DMRT1: variants seen among roughly 807,000 people sequenced by gnomAD.
DMRT1 encodes doublesex- and mab-3-related transcription factor 1.
A neutral mutation model predicts 32.3 loss-of-function variants in DMRT1; 7 were observed. The ratio of observed to expected loss-of-function variants is 0.22; its 90% CI spans 0.12 to 0.41. DMRT1 has a LOEUF of 0.41. Ranked by LOEUF, DMRT1 falls within the 10% of genes least tolerant of loss-of-function variation. The pLI is 1.00. For missense variants in DMRT1, 625 were observed against 500.5 expected (o/e 1.25, Z -2.37); for synonymous variants, 278 against 206.1 (o/e 1.35, Z -2.99).
At chr9:896,738 G>A (rs1219426785) in intron 3 of DMRT1, among the ~76,000 whole-genome samples, 1 of 151,720 alleles carries the variant, frequency 6.6e-6, no homozygotes, top group Admixed American at 6.6e-5. Context: ...GTCTGAACCC[G>A]GGAGGTGGAG....
At chr9:949,241 C>G (rs555637701) in intron 4 of DMRT1, among the ~76,000 whole-genome samples, 115 of 152,182 alleles carry the variant, frequency 7.6e-4, no homozygotes, top group African/African-American at 2.7e-3. Context: ...TGACGTATAC[C>G]TGTAGTCCTA....
rs1293837882 is a variant in DMRT1, at chr9:841,801, GA to G, written c.-37del. On this transcript the variant is annotated 5_prime_UTR_variant, in exon 1 of 5. Coordinates refer to ENST00000382276, the MANE Select transcript of DMRT1 (RefSeq NM_021951.3). Reference sequence around the variant, plus strand: ...CCCTCGCAGCAGTCTCCAGGCGAGAGAGGGGGCCAGAGTGCTCGCACTTCTC... The same window carrying G: ...CCCTCGCAGCAGTCTCCAGGCGAGAGGGGGGCCAGAGTGCTCGCACTTCTC... 9 of 1,581,932 alleles carry G rather than the reference GA, an allele frequency of 5.7e-6. No homozygotes were observed. The East Asian group carries it at 1.6e-4, about 28-fold the overall frequency.
intron 2 of DMRT1, among the ~76,000 whole-genome samples, chr9:890,149 C>T (rs988948770): frequency 8.0e-6 from 1 of 125,342 alleles, no homozygotes; most frequent in Non-Finnish European, 1.6e-5. Flanking sequence ...AGTGCAGTGG[C>T]GTGATCTTGG....
At chr9:889,088 C>G (rs962038153) in intron 2 of DMRT1, among the ~76,000 whole-genome samples, 2 of 152,050 alleles carry the variant, frequency 1.3e-5, no homozygotes, top group Admixed American at 1.3e-4. Flanking sequence ...TTTACGTTCC[C>G]AGGTAATGCT....
At chr9:870,093 T>A (rs1816169815) in intron 2 of DMRT1, among the ~76,000 whole-genome samples, 1 of 152,170 alleles carries the variant, frequency 6.6e-6, no homozygotes, top group South Asian at 2.1e-4. Flanking sequence ...CTGTGACTAT[T>A]CAACATGTAA....
At chr9:967,583 G>C (rs1055545959) in intron 4 of DMRT1, among the ~76,000 whole-genome samples, 7 of 152,158 alleles carry the variant, frequency 4.6e-5, no homozygotes, top group Admixed American at 4.6e-4. Flanking sequence ...GAAATGCATG[G>C]GTGGAGTCTT....
intron 2 of DMRT1, among the ~76,000 whole-genome samples, chr9:873,257 G>GT (rs895060608): frequency 1.3e-5 from 2 of 151,250 alleles, no homozygotes; most frequent in South Asian, 2.1e-4. Context: ...CCATTTGTAA[G>GT]TTTTTTTTGT....
chr9:894,323 C>A, intron 3 of DMRT1, 128 bp downstream of exon 3: 1 of 960,060 alleles, frequency 1.0e-6, no homozygotes, highest in Non-Finnish European at 1.7e-6. Flanking sequence ...GTGACACACA[C>A]AGGTACACAC....
intron 1 of DMRT1, chr9:842,915 G>C (rs1049746392): frequency 1.3e-5 from 2 of 152,302 alleles, no homozygotes; most frequent in African/African-American, 4.8e-5. Context: ...GGTTTATTGC[G>C]CTAGAGGAGT....
chr9:868,063 G>C (rs1020510997), intron 2 of DMRT1, among the ~76,000 whole-genome samples: 1 of 152,154 alleles, frequency 6.6e-6, no homozygotes, highest in Non-Finnish European at 1.5e-5. Context: ...CTGCAGCCTT[G>C]ACTTCCTGGG....
intron 4 of DMRT1, among the ~76,000 whole-genome samples, chr9:955,594 T>C (rs1819575364): frequency 6.6e-6 from 1 of 152,072 alleles, no homozygotes. Context: ...TAGTCTCAGC[T>C]ACTGGGGAGG....
intron 3 of DMRT1, among the ~76,000 whole-genome samples, chr9:908,577 A>C (rs918650269): frequency 5.3e-5 from 8 of 151,996 alleles, no homozygotes; most frequent in African/African-American, 1.5e-4. Context: ...CTGTTTTTCC[A>C]TGTGAGTTGT....
chr9:936,668 C>T (rs932776510), intron 4 of DMRT1, among the ~76,000 whole-genome samples: 2 of 151,266 alleles, frequency 1.3e-5, no homozygotes, highest in Non-Finnish European at 2.9e-5. Flanking sequence ...CAATGAGAAT[C>T]GCTTGAACCT....
intron 2 of DMRT1, among the ~76,000 whole-genome samples, chr9:871,125 C>T (rs1189830526): frequency 6.6e-6 from 1 of 151,860 alleles, no homozygotes; most frequent in Non-Finnish European, 1.5e-5. Flanking sequence ...CAACCTTCGC[C>T]TTCTGGGCTC....
intron 2 of DMRT1, among the ~76,000 whole-genome samples, chr9:861,156 G>A (rs1354463584): frequency 6.7e-6 from 1 of 150,320 alleles, no homozygotes; most frequent in Admixed American, 6.7e-5. Context: ...AAGGTCAGCA[G>A]ATAAACATGT....
chr9:855,876 C>T (rs12686131), intron 2 of DMRT1, among the ~76,000 whole-genome samples: 64,391 of 152,002 alleles, frequency 0.42, 13,824 homozygotes, highest in East Asian at 0.59. Flanking sequence ...ACCTTGGCCT[C>T]CCAAAGTGCT....
intron 3 of DMRT1, among the ~76,000 whole-genome samples, chr9:901,974 G>T (rs561511193): frequency 3.5e-5 from 5 of 142,906 alleles, no homozygotes; most frequent in East Asian, 2.1e-4. Flanking sequence ...GTGCAGTGAT[G>T]CGATCTCAGC....
intron 2 of DMRT1, among the ~76,000 whole-genome samples, chr9:847,759 C>T (rs560721770): frequency 6.6e-6 from 1 of 152,224 alleles, no homozygotes; most frequent in Non-Finnish European, 1.5e-5. Context: ...GTGCTTACTG[C>T]ACTAGGTCTC....
At chr9:851,714 A>G (rs373568633) in intron 2 of DMRT1, among the ~76,000 whole-genome samples, 1 of 152,300 alleles carries the variant, frequency 6.6e-6, no homozygotes. Context: ...GGCCTCTCTG[A>G]GGAGGATAAC....
Sources: allele counts gnomAD v4.1 joint callset (sites outside exome capture counted in the v4.1 genomes callset), GRCh38; gene constraint gnomAD v4.1.1; transcripts MANE v1.5; gene names NCBI Gene and HGNC (gene_info 2026-07-23, HGNC 2026-07-21).